EFNA2: variants seen among roughly 807,000 people sequenced by gnomAD.
EFNA2 encodes ephrin-A2.
EFNA2 carries 18 observed loss-of-function variants against 19.7 expected under a neutral mutation model. The observed-to-expected ratio is 0.91, with a 90% CI of 0.63 to 1.35. EFNA2 has a LOEUF of 1.35. EFNA2 is among the 40% of genes most tolerant of loss of function. EFNA2 has a pLI of 0.00. For missense variants in EFNA2, 303 were observed against 296.0 expected, an observed-to-expected ratio of 1.02 and a Z score of -0.17; for synonymous variants, 187 against 137.8, an observed-to-expected ratio of 1.36 and a Z score of -2.50.
chr19:1,294,498 A>G lies in EFNA2; in HGVS notation c.141-1047A>G, dbSNP rs1305591606. Among the ~76,000 whole-genome samples the G allele has an allele frequency of 6.6e-6, 1 of 150,618 alleles. No homozygotes were observed. The highest frequency in any genetic ancestry group is 1.5e-5 in the Non-Finnish European group (1 of 67,640). The stretch of plus-strand genomic sequence containing the variant: ...AGGAGTGCAGGCACCCAAGAGGGAG[A>G]CCAGGAGGCCGCCGGATTCCGGGGC... On this transcript the variant is annotated intron_variant, in intron 1 of 3. Coordinates refer to ENST00000215368, the MANE Select transcript of EFNA2 (RefSeq NM_001405.4). This position sits in a 1 kb window ranked among gnomAD's most constrained non-coding sequence, Gnocchi z 5.8.
rs529723676 is a variant in EFNA2 at position 1,295,896 on chromosome 19, G to A, written c.454+38G>A. ...GGGCCGGGGCTGCCGGGGCCCGAGTGGGCGGGGACGCGGGGGCGGGGCCAG... is the reference window on the plus strand; with the variant it reads ...GGGCCGGGGCTGCCGGGGCCCGAGTAGGCGGGGACGCGGGGGCGGGGCCAG... On this transcript the variant is annotated intron_variant, in intron 2 of 3. Coordinates refer to ENST00000215368, the MANE Select transcript of EFNA2 (RefSeq NM_001405.4). This position sits in a 1 kb window ranked among gnomAD's most constrained non-coding sequence, Gnocchi z 5.8. 2 of 1,526,890 alleles carry A rather than the reference G, an allele frequency of 1.3e-6. No homozygotes were observed. The highest frequency in any genetic ancestry group is 1.2e-5 in the South Asian group (1 of 80,712). 94.6% of individuals were successfully genotyped at this position (1,526,890 alleles called of 1,614,324 possible). A position where few individuals can be genotyped will look rare whatever the true frequency, so the allele number is the denominator to read the frequency against.
chr19:1,293,351 C>T (rs2144618418), intron 1 of EFNA2, among the ~76,000 whole-genome samples: 1 of 152,362 alleles, frequency 6.6e-6, no homozygotes, highest in South Asian at 2.1e-4. Flanking sequence ...GATGCCTGTG[C>T]CCGGCCGGCC....
In EFNA2 at chr19:1,300,816, G is replaced by T. The variant is rs545055523; in HGVS notation, c.*871G>T. ...AAACAGCCCCCTACCCGTCCCCCTC[G>T]CCTCACACGGTCCCTCTCCGAGGCC... On this transcript the variant is annotated 3_prime_UTR_variant, in exon 4 of 4. Transcript: ENST00000215368. 6.6e-6 allele frequency among the ~76,000 whole-genome samples: 1 copy of T among 152,120 alleles called. No individual in the cohort carries two copies. Among genetic ancestry groups the T allele is most frequent in the Non-Finnish European group, 1.5e-5 (1 of 67,974 alleles).
intron 1 of EFNA2, among the ~76,000 whole-genome samples, chr19:1,288,463 C>T (rs1287015121): frequency 1.3e-5 from 2 of 151,730 alleles, no homozygotes; most frequent in African/African-American, 2.4e-5. Context: ...ATGATGGGGT[C>T]GGGCAGGTGT....
chr19:1,288,016 G>A (rs1056815712), intron 1 of EFNA2, among the ~76,000 whole-genome samples: 3 of 152,268 alleles, frequency 2.0e-5, no homozygotes, highest in African/African-American at 7.2e-5. Context: ...GCCACCTCCT[G>A]TTGCTCCGGG....
rs1394364421 is a variant in EFNA2 at position 1,300,600 on chromosome 19, C to G, written c.*655C>G. Among the ~76,000 whole-genome samples the G allele has an allele frequency of 6.6e-6, 1 of 152,150 alleles. No individual in the cohort carries two copies. Among genetic ancestry groups the G allele is most frequent in the East Asian group, 1.9e-4 (1 of 5,170 alleles). On this transcript the variant is annotated 3_prime_UTR_variant, in exon 4 of 4. Coordinates refer to ENST00000215368, the MANE Select transcript of EFNA2 (RefSeq NM_001405.4). The stretch of plus-strand genomic sequence containing the variant: ...CAGCTGCAGCCCACCGCGGACCCCC[C>G]TGGTGCTCCAGGTTGGGTGAGTCTG...
rs2081536501 is a variant in EFNA2, at chr19:1,300,292, G to GTTTTTTTTT, written c.*349_*350insTTTTTTTTT. On this transcript the variant is annotated 3_prime_UTR_variant, in exon 4 of 4. Transcript: ENST00000215368. ...TTTTTTTTTTAGTGTATTTTTCGTG[G>GTTTTTTTTT]TTGGATCAAAAAGACTTGAGTTTTT... The GTTTTTTTTT allele has an allele frequency of 6.4e-6, 1 of 155,188 alleles. No individual in the cohort carries two copies. The highest frequency in any genetic ancestry group is 1.2e-5 in the Non-Finnish European group (1 of 80,538). The allele number at this position is 155,188 out of a possible 1,614,324, so 9.6% of individuals were successfully genotyped here. A position where few individuals can be genotyped will look rare whatever the true frequency, so the allele number is the denominator to read the frequency against.
chr19:1,299,510 T>A (rs1447422295), intron 3 of EFNA2, among the ~76,000 whole-genome samples: 1 of 150,090 alleles, frequency 6.7e-6, no homozygotes, highest in Non-Finnish European at 1.5e-5. Flanking sequence ...GAGCCCAGAT[T>A]GCGCCACTGC....
At chr19:1,285,208 G>A (rs946994391), upstream of EFNA2, among the ~76,000 whole-genome samples, 3 of 152,222 alleles carry the variant, frequency 2.0e-5, no homozygotes, top group Non-Finnish European at 4.4e-5. This position sits in a 1 kb window ranked among gnomAD's most constrained non-coding sequence, Gnocchi z 4.1. Flanking sequence ...CACAAGCTGT[G>A]CCCCCGGGCA....
Position 1,294,461 on chromosome 19 carries a change from G to T in EFNA2, c.141-1084G>T, listed in dbSNP as rs146690218. ...GCAAAGGCCTGGAGGCAGGGCTGGG[G>T]GCTGAGGTGTCAGGAGTGCAGGCAC... On this transcript the variant is annotated intron_variant, in intron 1 of 3. Transcript: ENST00000215368. The surrounding 1 kb of genome is among the most constrained non-coding windows in gnomAD (Gnocchi z 5.8). 2.0e-4 allele frequency among the ~76,000 whole-genome samples: 31 copies of T among 152,322 alleles called. No individual in the cohort carries two copies. The highest frequency in any genetic ancestry group is 6.7e-4 in the African/African-American group (28 of 41,574).
intron 3 of EFNA2, 142 bp downstream of exon 3, chr19:1,298,758 C>A: frequency 1.1e-6 from 1 of 874,370 alleles, no homozygotes; most frequent in Non-Finnish European, 1.8e-6. Flanking sequence ...CCTCGATTTC[C>A]CCGTCTGATG....
upstream of EFNA2, among the ~76,000 whole-genome samples, chr19:1,285,804 C>A (rs1200852156): frequency 6.7e-6 from 1 of 148,844 alleles, no homozygotes; most frequent in African/African-American, 2.4e-5. The surrounding 1 kb of genome is among the most constrained non-coding windows in gnomAD (Gnocchi z 4.1). Flanking sequence ...CCGCCCAGTC[C>A]CCGCGCGGCC....
intron 1 of EFNA2, among the ~76,000 whole-genome samples, chr19:1,289,104 C>G (rs1374551249): frequency 6.6e-6 from 1 of 152,204 alleles, no homozygotes. Flanking sequence ...CATCCGGCTG[C>G]AGGTTACATG....
chr19:1,296,638 G>C lies in EFNA2; in HGVS notation c.454+780G>C, dbSNP rs2081516937. ...CACTCCAGCCTGGGTGGCAGAGCGA[G>C]ACCCTGTCTTTAAAAGAAGAAAAAA... On this transcript the variant is annotated intron_variant, in intron 2 of 3. Transcript: ENST00000215368. This position sits in a 1 kb window ranked among gnomAD's most constrained non-coding sequence, Gnocchi z 4.4. Among the ~76,000 whole-genome samples the C allele has an allele frequency of 6.6e-6, 1 of 152,146 alleles. No homozygotes were observed.
At position 1,288,999 on chromosome 19, in the gene EFNA2, C is replaced by T. The variant is rs560939776; in HGVS notation, c.140+2691C>T. ...GACCTGGCCGGCTGCCCTCACCTGT[C>T]CTGGCCACAACACCGCGTGTGCATT... On this transcript the variant is annotated intron_variant, in intron 1 of 3. Transcript: ENST00000215368. Among the ~76,000 whole-genome samples, 3 of 152,364 alleles carry T rather than the reference C, an allele frequency of 2.0e-5. No individual in the cohort carries two copies. In the East Asian group the frequency reaches 5.8e-4, roughly 29 times the overall value.
chr19:1,291,095 G>A (rs1162419901), intron 1 of EFNA2, among the ~76,000 whole-genome samples: 1 of 152,212 alleles, frequency 6.6e-6, no homozygotes, highest in East Asian at 1.9e-4. Flanking sequence ...CCGGAAGTTG[G>A]GCAGAGTCCA....
Position 1,301,292 on chromosome 19 carries a change from T to C in EFNA2, c.*1347T>C, listed in dbSNP as rs1029207685. Among the ~76,000 whole-genome samples, 1 of 69,426 alleles carries C rather than the reference T, an allele frequency of 1.4e-5. No homozygotes were observed. Among genetic ancestry groups the C allele is most frequent in the African/African-American group, 5.6e-5 (1 of 17,906 alleles). 45.5% of individuals were successfully genotyped at this position (69,426 alleles called of 152,430 possible). Reference sequence around the variant, plus strand: ...TCGAGGCACGCCCGGTGGTGGGGGGTGGGCAGAGGGCTTTTGTAGGGGGTC... The same window carrying C: ...TCGAGGCACGCCCGGTGGTGGGGGGCGGGCAGAGGGCTTTTGTAGGGGGTC... On this transcript the variant is annotated 3_prime_UTR_variant, in exon 4 of 4. Transcript: ENST00000215368.
chr19:1,288,654 G>A (rs2081477133), intron 1 of EFNA2, among the ~76,000 whole-genome samples: 2 of 152,008 alleles, frequency 1.3e-5, no homozygotes, highest in African/African-American at 4.8e-5. Context: ...CATTGGCCTG[G>A]CACCTGTGCC....
chr19:1,293,241 A>G (rs983543336), intron 1 of EFNA2, among the ~76,000 whole-genome samples: 1 of 152,200 alleles, frequency 6.6e-6, no homozygotes, highest in Non-Finnish European at 1.5e-5. Flanking sequence ...CGCCTGATCA[A>G]TGGGCTTTCA....
Sources: allele counts gnomAD v4.1 joint callset (sites outside exome capture counted in the v4.1 genomes callset), GRCh38; gene constraint gnomAD v4.1.1; non-coding constraint Gnocchi (gnomAD v3.1); transcripts MANE v1.5; gene names NCBI Gene and HGNC (gene_info 2026-07-23, HGNC 2026-07-21).